Variants in DNAH11 observed in about 807,000 individuals in gnomAD.
DNAH11 encodes dynein axonemal heavy chain 11.
A neutral mutation model predicts 526.0 loss-of-function variants in DNAH11; 442 were observed. The ratio of observed to expected loss-of-function variants is 0.84; its 90% CI spans 0.78 to 0.91. The LOEUF (loss-of-function observed/expected upper bound fraction) is 0.91. Ranked by LOEUF, DNAH11 falls within the 40% of genes least tolerant of loss-of-function variation. DNAH11 has a pLI of 0.00. For missense variants in DNAH11, 6,989 were observed against 5,448.7 expected (o/e 1.28, Z -8.90); for synonymous variants, 2,461 against 1,935.9 (o/e 1.27, Z -7.12).
chr7:21,835,500 C>A (rs1027279545), intron 65 of DNAH11, among the ~76,000 whole-genome samples: 2 of 152,048 alleles, frequency 1.3e-5, no homozygotes, highest in Non-Finnish European at 2.9e-5. Flanking sequence ...TTAACAGAAT[C>A]AAGGGGAAAA....
intron 9 of DNAH11, among the ~76,000 whole-genome samples, chr7:21,582,514 C>T (rs1459841158): frequency 6.6e-6 from 1 of 152,058 alleles, no homozygotes; most frequent in Non-Finnish European, 1.5e-5. Flanking sequence ...AAAATGCTGC[C>T]AAATAATTAT....
rs1190732809 is a variant in DNAH11, at chr7:21,593,049, T to C, written c.2667+1472T>C. 2.0e-5 allele frequency among the ~76,000 whole-genome samples: 3 copies of C among 152,122 alleles called. No homozygotes were observed. In the South Asian group the frequency reaches 6.2e-4, roughly 32 times the overall value. On this transcript the variant is annotated intron_variant, in intron 14 of 81. Transcript: ENST00000409508. ...CATATGTATGGTATTTAGAGCCATA[T>C]AATTAGATTAAGAACATGTGGGAAT...
At position 21,899,464 on chromosome 7, in the gene DNAH11, G is replaced by T; in HGVS notation, c.13162+16G>T. The T allele has an allele frequency of 6.3e-7, 1 of 1,591,436 alleles. No homozygotes were observed. The highest frequency in any genetic ancestry group is 2.2e-5 in the East Asian group (1 of 44,658). On this transcript the variant is annotated intron_variant, in intron 80 of 81. Transcript: ENST00000409508. ...TTCTTAACTGGTAAGGGCTGACGCA[G>T]TGCAGCCCCTGATGCACACAGGACC...
At chr7:21,747,141 T>A (rs1378584751) in intron 51 of DNAH11, among the ~76,000 whole-genome samples, 1 of 152,184 alleles carries the variant, frequency 6.6e-6, no homozygotes, top group Non-Finnish European at 1.5e-5. Flanking sequence ...AAGCATACAT[T>A]AAAATGAAAT....
intron 28 of DNAH11, among the ~76,000 whole-genome samples, chr7:21,639,426 A>G (rs1476201779): frequency 6.6e-6 from 1 of 152,162 alleles, no homozygotes; most frequent in African/African-American, 2.4e-5. Flanking sequence ...TTGGAACAAG[A>G]TCATAGCTGG....
chr7:21,655,799 A>T (rs1781988990), intron 28 of DNAH11, 33 bp from the exon 29 acceptor site: 13 of 1,594,382 alleles, frequency 8.2e-6, no homozygotes, highest in Non-Finnish European at 1.1e-5. Context: ...ACAGTAAGAA[A>T]TGTTCTTATC....
Position 21,749,689 on chromosome 7 carries a change from C to T in DNAH11, c.8685C>T (p.Ala2895=). The T allele has an allele frequency of 3.1e-6, 5 of 1,613,706 alleles. No homozygotes were observed. Among genetic ancestry groups the T allele is most frequent in the Non-Finnish European group, 4.2e-6 (5 of 1,179,798 alleles). The change falls in exon 53 of 82, where the codon GCC becomes GCT. Residue 2895 remains alanine (A), a synonymous_variant. Coordinates refer to ENST00000409508, the MANE Select transcript of DNAH11 (RefSeq NM_001277115.2). ...GCCTTTCCTTACAGGTAGATCTTGC[C>T]AATTTGTACATCCGAACTGGAGCCA... The part of the protein sequence containing the change: ...YGIQELRVDL[A]NLYIRTGAKN...
chr7:21,641,100 G>A (rs1787108079), intron 28 of DNAH11, among the ~76,000 whole-genome samples: 1 of 152,140 alleles, frequency 6.6e-6, no homozygotes, highest in Admixed American at 6.5e-5. Context: ...CTTGCTCCTG[G>A]CAGTGTAACC....
chr7:21,604,892 C>G (rs1785224444), intron 18 of DNAH11, among the ~76,000 whole-genome samples: 1 of 152,130 alleles, frequency 6.6e-6, no homozygotes, highest in Admixed American at 6.5e-5. Context: ...AGGGCGGATG[C>G]AGAGTTTTGA....
intron 4 of DNAH11, among the ~76,000 whole-genome samples, chr7:21,560,615 A>C (rs1408893920): frequency 6.6e-6 from 1 of 152,164 alleles, no homozygotes; most frequent in Admixed American, 6.5e-5. Flanking sequence ...GATGAAGGCC[A>C]GAAGACTCAG....
intron 6 of DNAH11, among the ~76,000 whole-genome samples, chr7:21,568,020 G>A (rs1394147910): frequency 1.3e-5 from 2 of 152,172 alleles, no homozygotes; most frequent in Admixed American, 1.3e-4. Context: ...GTGAGGAAGA[G>A]TTAAAGTCTG....
chr7:21,763,750 A>G (rs533587286), intron 54 of DNAH11, among the ~76,000 whole-genome samples: 3 of 149,680 alleles, frequency 2.0e-5, no homozygotes, highest in Admixed American at 6.8e-5. Flanking sequence ...TATGCAAGCA[A>G]CTAAAATGTC....
At chr7:21,564,056 T>G (rs1340514791) in intron 5 of DNAH11, 130 bp from the exon 6 acceptor site, 1 of 619,162 alleles carries the variant, frequency 1.6e-6, no homozygotes, top group South Asian at 2.8e-5. Context: ...ATAAGTAATA[T>G]AAAAGGAACT....
intron 66 of DNAH11, among the ~76,000 whole-genome samples, chr7:21,847,992 C>T (rs1444081087): frequency 1.3e-5 from 2 of 151,836 alleles, no homozygotes; most frequent in African/African-American, 2.4e-5. Flanking sequence ...GGTGAAACCC[C>T]GTCTCTACTA....
At chr7:21,594,055 TACACACATACACAC>T (rs1412618195) in intron 14 of DNAH11, among the ~76,000 whole-genome samples, 55 of 77,752 alleles carry the variant, frequency 7.1e-4, no homozygotes, top group African/African-American at 2.1e-3. Context: ...CACTCTTTCA[TACACACATACACAC>T]ACACACACAC....
At chr7:21,871,519 C>G (rs552151155) in intron 73 of DNAH11, among the ~76,000 whole-genome samples, 1 of 152,178 alleles carries the variant, frequency 6.6e-6, no homozygotes, top group Admixed American at 6.5e-5. Flanking sequence ...ACATTTGATT[C>G]AAGTAAACTT....
chr7:21,637,709 A>T lies in DNAH11; in HGVS notation c.4817+7A>T, dbSNP rs563875721. The T allele has an allele frequency of 2.0e-5, 30 of 1,485,990 alleles. 1 individual carries two copies. In the South Asian group the frequency reaches 2.8e-4, roughly 14 times the overall value. 92.1% of individuals were successfully genotyped at this position (1,485,990 alleles called of 1,614,324 possible). On this transcript the variant is annotated splice_region_variant and intron_variant, in intron 27 of 81. Coordinates refer to ENST00000409508, the MANE Select transcript of DNAH11 (RefSeq NM_001277115.2). ...TTAAAGATTTACAGTCCAGGTAAGA[A>T]TAAAGCTATATAAGATAATCAATTT...
At position 21,850,366 on chromosome 7, in the gene DNAH11, AAAAG is replaced by A. The variant is rs1361770729; in HGVS notation, c.10897-2097_10897-2094del. On this transcript the variant is annotated intron_variant, in intron 66 of 81. Transcript: ENST00000409508. ...GGAGACTCTGTCTCAAAAAAAAAAA[AAAAG>A]AAAAAGAAAAAGAAAAAAAATTCTT... Among the ~76,000 whole-genome samples the A allele has an allele frequency of 4.5e-3, 677 of 149,674 alleles. 4 individuals are homozygous for A. The highest frequency in any genetic ancestry group is 0.016 in the African/African-American group (640 of 40,466).
chr7:21,823,456 A>C (rs947253209), intron 65 of DNAH11, among the ~76,000 whole-genome samples: 1 of 152,008 alleles, frequency 6.6e-6, no homozygotes, highest in South Asian at 2.1e-4. Context: ...TAAATTCACT[A>C]TATTTAGGAT....
Sources: allele counts gnomAD v4.1 joint callset (sites outside exome capture counted in the v4.1 genomes callset), GRCh38; gene constraint gnomAD v4.1.1; transcripts MANE v1.5; gene names NCBI Gene and HGNC (gene_info 2026-07-23, HGNC 2026-07-21).